The following RNF152 variants were observed in gnomAD, a reference collection of about 807,000 sequenced individuals.
The protein encoded by RNF152 is E3 ubiquitin-protein ligase RNF152.
RNF152 carries 11 observed loss-of-function variants against 12.7 expected under a neutral mutation model. That is an observed-to-expected ratio of 0.86 (90% CI 0.54 to 1.43). RNF152 has a LOEUF of 1.43. Among genes scored for constraint, RNF152 ranks in the 40% most tolerant of loss-of-function variants. The pLI, the probability that RNF152 is intolerant of heterozygous loss-of-function variation, is 0.00. For synonymous variants in RNF152, 113 were observed against 120.3 expected, an observed-to-expected ratio of 0.94 and a Z score of 0.40; for missense variants, 255 against 274.8, an observed-to-expected ratio of 0.93 and a Z score of 0.51.
At chr18:61,834,076 T>C (rs1910072954) in intron 1 of RNF152, among the ~76,000 whole-genome samples, 1 of 152,246 alleles carries the variant, frequency 6.6e-6, no homozygotes, top group Non-Finnish European at 1.5e-5. Context: ...GAGCAAAAGA[T>C]GTGACCCCTG....
upstream of RNF152, chr18:61,893,909 T>A (rs566507057): frequency 6.6e-6 from 1 of 151,734 alleles, no homozygotes. Flanking sequence ...GACACGCAAC[T>A]CCCGGGACCA....
intron 1 of RNF152, among the ~76,000 whole-genome samples, chr18:61,826,296 A>T (rs1341885305): frequency 6.6e-6 from 1 of 152,190 alleles, no homozygotes; most frequent in Non-Finnish European, 1.5e-5. Flanking sequence ...CAGGAGAGAA[A>T]CAAAGAGAAA....
In RNF152 at chr18:61,813,289, C is replaced by A. The variant is rs1332339268; in HGVS notation, c.*2563G>T. On this transcript the variant is annotated 3_prime_UTR_variant, in exon 2 of 2. Transcript: ENST00000312828. ...TCTCTCTCTCTCTCTCACACACACACACACACACACACACACACACACACA... is the reference window on the plus strand; with the variant it reads ...TCTCTCTCTCTCTCTCACACACACAAACACACACACACACACACACACACA... The A allele has an allele frequency of 8.0e-6, 1 of 124,666 alleles. No individual in the cohort carries two copies. Among genetic ancestry groups the A allele is most frequent in the Non-Finnish European group, 1.9e-5 (1 of 52,926 alleles). The allele number at this position is 124,666 out of a possible 1,614,324, so 7.7% of individuals were successfully genotyped here. A position where few individuals can be genotyped will look rare whatever the true frequency, so the allele number is the denominator to read the frequency against.
chr18:61,822,843 G>A (rs974725767), intron 1 of RNF152, among the ~76,000 whole-genome samples: 10 of 152,204 alleles, frequency 6.6e-5, no homozygotes, highest in African/African-American at 2.2e-4. Flanking sequence ...GCACTACATT[G>A]CTTTTCTTTT....
At position 61,812,681 on chromosome 18, in the gene RNF152, C is replaced by G. The variant is rs1006724752; in HGVS notation, c.*3171G>C. ...TAGTTTACTATTTATACAACACTCA[C>G]TGTCCTTTACATACAAGTGGGGTGG... On this transcript the variant is annotated 3_prime_UTR_variant, in exon 2 of 2. Coordinates refer to ENST00000312828, the MANE Select transcript of RNF152 (RefSeq NM_173557.3). 3.9e-5 allele frequency: 6 copies of G among 152,156 alleles called. No individual in the cohort carries two copies. The highest frequency in any genetic ancestry group is 6.5e-5 in the Admixed American group (1 of 15,280). The allele number at this position is 152,156 out of a possible 1,614,324, so 9.4% of individuals were successfully genotyped here.
chr18:61,889,345 C>T (rs1184010801), intron 1 of RNF152, among the ~76,000 whole-genome samples: 2 of 152,194 alleles, frequency 1.3e-5, no homozygotes, highest in Admixed American at 1.3e-4. Context: ...TTAAATTCTA[C>T]ACTTATGCTT....
intron 1 of RNF152, among the ~76,000 whole-genome samples, chr18:61,891,270 G>A (rs1343029696): frequency 6.6e-6 from 1 of 152,060 alleles, no homozygotes. Context: ...AAAAAATTAA[G>A]CATCAATGGA....
chr18:61,834,964 T>C (rs1910116320), intron 1 of RNF152, among the ~76,000 whole-genome samples: 1 of 152,182 alleles, frequency 6.6e-6, no homozygotes, highest in Non-Finnish European at 1.5e-5. Flanking sequence ...AAAGGCAACG[T>C]TCCCTGGGTG....
intron 1 of RNF152, among the ~76,000 whole-genome samples, chr18:61,829,765 G>A (rs747009578): frequency 9.9e-5 from 15 of 152,092 alleles, no homozygotes; most frequent in African/African-American, 2.2e-4. Flanking sequence ...AGCTGGAAGC[G>A]GAAGTTCTTA....
At position 61,816,015 on chromosome 18, in the gene RNF152, G is replaced by C. The variant is rs144167768; in HGVS notation, c.449C>G (p.Ala150Gly). The change falls in exon 2 of 2, where the codon GCG (alanine) becomes GGG (glycine). Residue 150 changes from alanine to glycine, a missense_variant. Ala to Gly is a moderately conservative substitution (Grantham distance 60). Coordinates refer to ENST00000312828, the MANE Select transcript of RNF152 (RefSeq NM_173557.3). Reference protein sequence around the residue: ...QPLQGGAPQEAVEEEQDRRGV... With the variant: ...QPLQGGAPQEGVEEEQDRRGV... ...CCGCCTGTCCTGCTCCTCCTCCACCGCCTCCTGGGGAGCCCCACCTTGCAG... is the reference window on the plus strand; with the variant it reads ...CCGCCTGTCCTGCTCCTCCTCCACCCCCTCCTGGGGAGCCCCACCTTGCAG... 1 of 1,614,156 alleles carries C rather than the reference G, an allele frequency of 6.2e-7. No homozygotes were observed. Among genetic ancestry groups the C allele is most frequent in the South Asian group, 1.1e-5 (1 of 91,070 alleles).
intron 1 of RNF152, among the ~76,000 whole-genome samples, chr18:61,848,252 C>T (rs1166827298): frequency 6.6e-6 from 1 of 152,122 alleles, no homozygotes; most frequent in African/African-American, 2.4e-5. Flanking sequence ...CCCTCTCCCT[C>T]TCTCTCTGAC....
At chr18:61,842,553 G>C (rs1048768479) in intron 1 of RNF152, among the ~76,000 whole-genome samples, 1 of 152,142 alleles carries the variant, frequency 6.6e-6, no homozygotes, top group African/African-American at 2.4e-5. Context: ...CTTCCTTCAT[G>C]GCAAAAAGTC....
intron 1 of RNF152, among the ~76,000 whole-genome samples, chr18:61,840,443 G>A (rs1343252881): frequency 6.6e-6 from 1 of 152,174 alleles, no homozygotes; most frequent in African/African-American, 2.4e-5. Flanking sequence ...CAGGGCAGAG[G>A]ATGGGGGTGG....
intron 1 of RNF152, among the ~76,000 whole-genome samples, chr18:61,868,716 A>T (rs994964587): frequency 8.0e-6 from 1 of 124,988 alleles, no homozygotes; most frequent in Non-Finnish European, 1.7e-5. Context: ...AAATAAAAAT[A>T]AAAAAAAATA....
At chr18:61,831,808 GTAAAAACT>G (rs1246913509) in intron 1 of RNF152, among the ~76,000 whole-genome samples, 2 of 151,866 alleles carry the variant, frequency 1.3e-5, no homozygotes, top group African/African-American at 4.8e-5. Context: ...CTGTCAAATG[GTAAAAACT>G]TAAAGTCCTG....
chr18:61,870,014 A>G (rs1277160030), intron 1 of RNF152, among the ~76,000 whole-genome samples: 2 of 152,226 alleles, frequency 1.3e-5, no homozygotes, highest in African/African-American at 4.8e-5. Flanking sequence ...ATTTTTATCC[A>G]TGAAGGAAAA....
intron 1 of RNF152, among the ~76,000 whole-genome samples, chr18:61,855,702 A>G (rs1439573924): frequency 6.6e-6 from 1 of 151,284 alleles, no homozygotes; most frequent in Non-Finnish European, 1.5e-5. Flanking sequence ...ACACAATCTC[A>G]TCACTCCACG....
chr18:61,861,752 C>G (rs556652901), intron 1 of RNF152, among the ~76,000 whole-genome samples: 25 of 152,266 alleles, frequency 1.6e-4, no homozygotes, highest in African/African-American at 5.5e-4. Flanking sequence ...CTGGCATGTG[C>G]AGAGATCACA....
intron 1 of RNF152, among the ~76,000 whole-genome samples, chr18:61,863,164 G>A (rs992491989): frequency 3.9e-5 from 6 of 152,098 alleles, no homozygotes; most frequent in South Asian, 2.1e-4. Context: ...AGCCAGGCGC[G>A]GTGGCTCACA....
Sources: gnomAD v4.1 joint callset for allele counts (sites outside exome capture counted in the v4.1 genomes callset) on GRCh38, gnomAD v4.1.1 for gene constraint, MANE v1.5 for transcripts, NCBI Gene and HGNC (gene_info 2026-07-23, HGNC 2026-07-21) for gene names.